The following HECTD4 variants were observed in gnomAD, a reference collection of about 807,000 sequenced individuals.
The protein encoded by HECTD4 is probable E3 ubiquitin-protein ligase HECTD4.
A neutral mutation model predicts 471.5 loss-of-function variants in HECTD4; 114 were observed. The ratio of observed to expected loss-of-function variants is 0.24; its 90% CI spans 0.21 to 0.28. The LOEUF (loss-of-function observed/expected upper bound fraction) is 0.28. Ranked by LOEUF, HECTD4 falls within the 10% of genes least tolerant of loss-of-function variation. The pLI is 1.00. For synonymous variants in HECTD4, 2,012 were observed against 2,256.0 expected (o/e 0.89, Z 3.07); for missense variants, 3,866 against 5,651.5 (o/e 0.68, Z 10.13).
chr12:112,292,602 A>G (rs980697691), intron 7 of HECTD4, among the ~76,000 whole-genome samples: 2 of 152,248 alleles, frequency 1.3e-5, no homozygotes, highest in Admixed American at 1.3e-4. Flanking sequence ...GTGAAGACAT[A>G]GCTATCTAAA....
At chr12:112,241,622 G>A (rs977270576) in intron 32 of HECTD4, among the ~76,000 whole-genome samples, 30 of 151,946 alleles carry the variant, frequency 2.0e-4, no homozygotes, top group Admixed American at 2.0e-4. Flanking sequence ...CCACCACTAC[G>A]GCTAATTTTT....
rs2031128300 is a variant in HECTD4, at chr12:112,169,533, G to A, written c.12178C>T (p.Arg4060Cys). Reference protein sequence around the residue: ...GGDPTYAFNIRFTGEEVHGTS... With the variant: ...GGDPTYAFNICFTGEEVHGTS... ...CCATGGACCTCCTCGCCAGTGAAGC[G>A]GATGTTGAAGGCATATGTGGGGTCA... is the stretch of plus-strand genomic sequence containing the variant. Residue 4060 changes from arginine to cysteine, a missense_variant, in exon 70 of 76, where the codon CGC (arginine) becomes TGC (cysteine). Around this residue, in one of 16 missense-constraint regions of HECTD4, gnomAD observed 715 missense variants for 1,087.6 expected, o/e 0.66. Coordinates refer to ENST00000682272, the MANE Select transcript of HECTD4 (RefSeq NM_001388303.1). 6.2e-7 allele frequency: 1 copy of A among 1,612,772 alleles called. No individual in the cohort carries two copies. Among genetic ancestry groups the A allele is most frequent in the Non-Finnish European group, 8.5e-7 (1 of 1,179,464 alleles).
At chr12:112,237,675 C>T (rs1434344943) in intron 34 of HECTD4, among the ~76,000 whole-genome samples, 1 of 152,160 alleles carries the variant, frequency 6.6e-6, no homozygotes. Flanking sequence ...CCTCTACACT[C>T]CCACTGCACA....
At chr12:112,308,231 C>G (rs987371959) in intron 6 of HECTD4, among the ~76,000 whole-genome samples, 2 of 152,050 alleles carry the variant, frequency 1.3e-5, no homozygotes, top group East Asian at 1.9e-4. Context: ...TGAAGTCAGA[C>G]AGAAAAGCAG....
intron 67 of HECTD4, among the ~76,000 whole-genome samples, chr12:112,171,605 A>T (rs1480766417): frequency 6.6e-6 from 1 of 152,244 alleles, no homozygotes; most frequent in Non-Finnish European, 1.5e-5. Context: ...TGGCACAAAG[A>T]GTCCCGTGTA....
At chr12:112,342,067 T>G (rs969056895) in intron 1 of HECTD4, among the ~76,000 whole-genome samples, 6 of 152,224 alleles carry the variant, frequency 3.9e-5, no homozygotes, top group Non-Finnish European at 7.3e-5. Flanking sequence ...AATGATTTAT[T>G]GTTGAAGGCT....
At chr12:112,225,743 C>G (rs567684535) in intron 44 of HECTD4, among the ~76,000 whole-genome samples, 18 of 149,638 alleles carry the variant, frequency 1.2e-4, no homozygotes, top group Non-Finnish European at 2.1e-4. Flanking sequence ...AATATAAAAA[C>G]AAGGATGATC....
rs1303180996 is a variant in HECTD4 at position 112,235,449 on chromosome 12, C to T, written c.5725+55G>A. ...AAGCACAGATGCAAGGGGGACCTGACTGGGCACAGGAATGCTGCACTGCCA... is the reference window on the plus strand; with the variant it reads ...AAGCACAGATGCAAGGGGGACCTGATTGGGCACAGGAATGCTGCACTGCCA... On this transcript the variant is annotated intron_variant, in intron 36 of 75. Coordinates refer to ENST00000682272, the MANE Select transcript of HECTD4 (RefSeq NM_001388303.1). The surrounding 1 kb of genome is among the most constrained non-coding windows in gnomAD (Gnocchi z 5.0). 1 of 1,548,262 alleles carries T rather than the reference C, an allele frequency of 6.5e-7. No homozygotes were observed. Among genetic ancestry groups the T allele is most frequent in the East Asian group, 2.3e-5 (1 of 44,408 alleles).
At chr12:112,211,800 C>T (rs2032769084) in intron 49 of HECTD4, among the ~76,000 whole-genome samples, 1 of 152,164 alleles carries the variant, frequency 6.6e-6, no homozygotes, top group Admixed American at 6.5e-5. Flanking sequence ...CTGCCATTTC[C>T]TGAGATGAAG....
chr12:112,306,377 T>C, intron 6 of HECTD4, 143 bp from the exon 7 acceptor site: 1 of 658,256 alleles, frequency 1.5e-6, no homozygotes, highest in Non-Finnish European at 2.2e-6. Flanking sequence ...TTATCTCTAA[T>C]AATAACATAC....
chr12:112,291,567 C>A (rs1199773171), intron 7 of HECTD4, among the ~76,000 whole-genome samples: 3 of 151,664 alleles, frequency 2.0e-5, no homozygotes, highest in South Asian at 2.1e-4. Flanking sequence ...GAGACCCCCC[C>A]ATCTTTAAAA....
chr12:112,181,104 G>T (rs1166768792), intron 62 of HECTD4, among the ~76,000 whole-genome samples: 9 of 151,240 alleles, frequency 6.0e-5, no homozygotes, highest in Non-Finnish European at 1.3e-4. Flanking sequence ...GGAGGTGGAG[G>T]TTGCAGTGAG....
chr12:112,341,300 TC>T (rs2036050572), intron 1 of HECTD4, among the ~76,000 whole-genome samples: 1 of 152,154 alleles, frequency 6.6e-6, no homozygotes, highest in Non-Finnish European at 1.5e-5. Context: ...CCAAATGCAC[TC>T]CCAGGTCAGC....
chr12:112,366,070 G>A (rs1263398773), intron 1 of HECTD4, among the ~76,000 whole-genome samples: 5 of 151,992 alleles, frequency 3.3e-5, no homozygotes, highest in Admixed American at 1.3e-4. Flanking sequence ...GTTACCGTTT[G>A]AGGTTACCTG....
chr12:112,170,064 C>G (rs1351288651), intron 69 of HECTD4: 1 of 556,772 alleles, frequency 1.8e-6, no homozygotes, highest in African/African-American at 1.9e-5. Context: ...CCATTTTTGG[C>G]AGGCACATGG....
intron 9 of HECTD4, among the ~76,000 whole-genome samples, chr12:112,276,376 A>G (rs1007776550): frequency 6.6e-6 from 1 of 152,210 alleles, no homozygotes. Context: ...ATATGTGGTA[A>G]TAGGAGGAAA....
chr12:112,215,442 T>G (rs532504059), intron 48 of HECTD4, among the ~76,000 whole-genome samples: 1 of 152,316 alleles, frequency 6.6e-6, no homozygotes, highest in East Asian at 1.9e-4. Context: ...CAGTTCTGTT[T>G]TTTTGCTATA....
At chr12:112,244,697 A>G (rs185540983) in intron 29 of HECTD4, among the ~76,000 whole-genome samples, 23 of 152,128 alleles carry the variant, frequency 1.5e-4, no homozygotes, top group Admixed American at 1.1e-3. Flanking sequence ...AATACATCCA[A>G]ATCCATTTTT....
intron 32 of HECTD4, among the ~76,000 whole-genome samples, chr12:112,242,626 A>T (rs1237652507): frequency 1.2e-4 from 18 of 150,356 alleles, no homozygotes; most frequent in Admixed American, 1.2e-3. Context: ...AAAAAAAAAA[A>T]AGGCTGGGCA....
Sources: gnomAD v4.1 joint callset for allele counts (sites outside exome capture counted in the v4.1 genomes callset) on GRCh38, gnomAD v4.1.1 for gene constraint, gnomAD v4.1.1 regional missense constraint, Gnocchi (gnomAD v3.1) non-coding constraint, MANE v1.5 for transcripts, NCBI Gene and HGNC (gene_info 2026-07-23, HGNC 2026-07-21) for gene names.